Variants in KDM2B observed in about 807,000 individuals in gnomAD.
KDM2B encodes lysine demethylase 2B.
KDM2B carries 26 observed loss-of-function variants against 150.0 expected under a neutral mutation model. The ratio of observed to expected loss-of-function variants is 0.17; its 90% CI spans 0.13 to 0.24. The LOEUF (loss-of-function observed/expected upper bound fraction) is 0.24. Ranked by LOEUF, KDM2B falls within the 10% of genes least tolerant of loss-of-function variation. The probability of loss-of-function intolerance (pLI) is 1.00; values close to 1 mark genes in which losing one functional copy is unlikely to be tolerated. For synonymous variants in KDM2B, 734 were observed against 729.5 expected (o/e 1.01, Z -0.10); for missense variants, 1,265 against 1,816.9 (o/e 0.70, Z 5.52).
At chr12:121,416,350 G>C in the KDM2B span, 1 of 1,613,700 alleles carries the variant, frequency 6.2e-7, no homozygotes, top group African/African-American at 1.3e-5. Context: ...AAGCCTGTGG[G>C]CTTTCATTTT....
intron 12 of KDM2B, among the ~76,000 whole-genome samples, chr12:121,473,060 G>A (rs964888766): frequency 2.0e-5 from 3 of 152,072 alleles, no homozygotes; most frequent in Admixed American, 2.0e-4. Context: ...GTGGACCATA[G>A]ACTCCAAACA....
At chr12:121,530,375 T>C (rs1302156533) in intron 8 of KDM2B, among the ~76,000 whole-genome samples, 1 of 152,192 alleles carries the variant, frequency 6.6e-6, no homozygotes, top group Non-Finnish European at 1.5e-5. Context: ...TTGTAACTTT[T>C]TTAGTGTCAG....
chr12:121,460,384 G>A lies in KDM2B; in HGVS notation c.1735-7040C>T, dbSNP rs570147133. ...GTGGAGGTTCCAGTAAGCCAAGATC[G>A]TGCCCCTGCACTCCAGTGGCAGAGC... On this transcript the variant is annotated intron_variant, in intron 12 of 22. Transcript: ENST00000377071. 3.3e-5 allele frequency among the ~76,000 whole-genome samples: 5 copies of A among 152,284 alleles called. No homozygotes were observed. The South Asian group carries it at 6.2e-4, about 19-fold the overall frequency.
At chr12:121,559,965 A>G (rs1890221136) in intron 4 of KDM2B, among the ~76,000 whole-genome samples, 1 of 151,982 alleles carries the variant, frequency 6.6e-6, no homozygotes, top group East Asian at 1.9e-4. Context: ...AAATTTGATC[A>G]TTGAAAATGG....
At chr12:121,511,390 G>A (rs571958469) in intron 10 of KDM2B, among the ~76,000 whole-genome samples, 6 of 150,656 alleles carry the variant, frequency 4.0e-5, no homozygotes, top group African/African-American at 9.8e-5. Flanking sequence ...AGGTTCAAGC[G>A]AGTCTCCTGC....
intron 12 of KDM2B, among the ~76,000 whole-genome samples, chr12:121,465,261 C>CT (rs1246194429): frequency 6.6e-6 from 1 of 152,200 alleles, no homozygotes; most frequent in African/African-American, 2.4e-5. Flanking sequence ...GAGTCTCACT[C>CT]TCGTCGCTCA....
chr12:121,450,330 G>GA (rs1328931569), intron 13 of KDM2B, among the ~76,000 whole-genome samples: 1 of 149,622 alleles, frequency 6.7e-6, no homozygotes. Context: ...AAAAAAGAAA[G>GA]AAAAAAAAGA....
At position 121,537,845 on chromosome 12, in the gene KDM2B, C is replaced by T. The variant is rs1888272705; in HGVS notation, c.684-3255G>A. ...GGCCCTGTAGCCCGCGGGCGGGAGG[C>T]CACCCACACCCGCCCCGCGCAGCGC... On this transcript the variant is annotated intron_variant, in intron 6 of 22. Transcript: ENST00000377071. The surrounding 1 kb of genome is among the most constrained non-coding windows in gnomAD (Gnocchi z 8.7). 1.3e-5 allele frequency among the ~76,000 whole-genome samples: 2 copies of T among 151,488 alleles called. No individual in the cohort carries two copies. Among genetic ancestry groups the T allele is most frequent in the African/African-American group, 4.8e-5 (2 of 41,282 alleles).
intron 10 of KDM2B, among the ~76,000 whole-genome samples, chr12:121,511,677 A>G (rs1022844175): frequency 6.6e-6 from 1 of 152,254 alleles, no homozygotes; most frequent in South Asian, 2.1e-4. Context: ...CAGTGGCTGC[A>G]TGTATCTGTG....
intron 12 of KDM2B, among the ~76,000 whole-genome samples, chr12:121,487,533 G>C (rs1407198728): frequency 6.6e-6 from 1 of 152,120 alleles, no homozygotes; most frequent in African/African-American, 2.4e-5. Context: ...CCTCCTCCCA[G>C]CATGTTGAGC....
Position 121,440,920 on chromosome 12 carries a change from C to A in KDM2B, c.3506G>T (p.Ser1169Ile). ...GGTCCGGAGCAGCGGACAACTGGAG[C>A]TGCAAAGGGCCGAGACCGCGATCCA... ...CSWIAVSALC[S>I]SSCPLLRTLD... Residue 1169 changes from serine to isoleucine, a missense_variant, in exon 21 of 23, where the codon AGC (serine) becomes ATC (isoleucine). Around this residue, in one of 11 missense-constraint regions of KDM2B, gnomAD observed 251 missense variants for 397.8 expected, o/e 0.63. Transcript: ENST00000377071. 6.2e-7 allele frequency: 1 copy of A among 1,614,100 alleles called. No individual in the cohort carries two copies. Among genetic ancestry groups the A allele is most frequent in the Non-Finnish European group, 8.5e-7 (1 of 1,180,012 alleles).
intron 12 of KDM2B, among the ~76,000 whole-genome samples, chr12:121,493,539 C>G (rs1293120629): frequency 6.6e-6 from 1 of 152,184 alleles, no homozygotes; most frequent in African/African-American, 2.4e-5. Context: ...TGGAAGGGTG[C>G]TCACCAAAAC....
intron 8 of KDM2B, among the ~76,000 whole-genome samples, chr12:121,523,238 A>G (rs1886844234): frequency 6.6e-6 from 1 of 152,236 alleles, no homozygotes; most frequent in South Asian, 2.1e-4. Flanking sequence ...CAGGACTGCA[A>G]GTCCCGGGGG....
chr12:121,511,709 T>C (rs971202704), intron 10 of KDM2B, among the ~76,000 whole-genome samples: 1 of 152,152 alleles, frequency 6.6e-6, no homozygotes, highest in African/African-American at 2.4e-5. Context: ...AACCACTGGA[T>C]TCTACACCCT....
chr12:121,471,463 G>T (rs984437854), intron 12 of KDM2B, among the ~76,000 whole-genome samples: 1 of 152,160 alleles, frequency 6.6e-6, no homozygotes, highest in African/African-American at 2.4e-5. Flanking sequence ...TGAGAACCCA[G>T]AAATGACCCC....
intron 8 of KDM2B, among the ~76,000 whole-genome samples, chr12:121,528,374 C>T (rs1470281838): frequency 6.6e-6 from 1 of 151,990 alleles, no homozygotes; most frequent in Non-Finnish European, 1.5e-5. Flanking sequence ...GGTTGATCAA[C>T]ATGGAAAAAC....
chr12:121,579,767 C>G, intron 1 of KDM2B: 1 of 1,381,858 alleles, frequency 7.2e-7, no homozygotes, highest in Non-Finnish European at 9.8e-7. Context: ...GCCCGCTCAG[C>G]CCCCCTCCAC....
intron 12 of KDM2B, among the ~76,000 whole-genome samples, chr12:121,485,949 G>C (rs1289720674): frequency 6.6e-6 from 1 of 151,624 alleles, no homozygotes; most frequent in Non-Finnish European, 1.5e-5. Context: ...GCTAATTTTT[G>C]TATTTTTAGT....
At chr12:121,456,859 G>A (rs1555292897) in intron 12 of KDM2B, among the ~76,000 whole-genome samples, 2 of 152,196 alleles carry the variant, frequency 1.3e-5, no homozygotes, top group Admixed American at 6.5e-5. Context: ...CATCCTGAAA[G>A]AAGAGGTGTG....
Sources: gnomAD v4.1 joint callset for allele counts (sites outside exome capture counted in the v4.1 genomes callset) on GRCh38, gnomAD v4.1.1 for gene constraint, gnomAD v4.1.1 regional missense constraint, Gnocchi (gnomAD v3.1) non-coding constraint, MANE v1.5 for transcripts, NCBI Gene and HGNC (gene_info 2026-07-23, HGNC 2026-07-21) for gene names.